The following CLEC16A variants were observed in gnomAD, a reference collection of about 807,000 sequenced individuals.
CLEC16A encodes C-type lectin domain containing 16A.
Under a neutral mutation model 109.5 loss-of-function variants are expected in CLEC16A, and 51 were observed. The ratio of observed to expected loss-of-function variants is 0.47; its 90% confidence interval spans 0.37 to 0.59. The LOEUF is 0.59. CLEC16A is among the 20% of genes least tolerant of loss of function. The probability of loss-of-function intolerance (pLI) is 0.00; values close to 1 mark genes in which losing one functional copy is unlikely to be tolerated. For missense variants in CLEC16A, 1,339 were observed against 1,394.0 expected, an observed-to-expected ratio of 0.96 and a Z score of 0.63; for synonymous variants, 673 against 564.2, an observed-to-expected ratio of 1.19 and a Z score of -2.73.
chr16:11,177,367 G>A (rs975973217), intron 23 of CLEC16A, among the ~76,000 whole-genome samples: 5 of 152,238 alleles, frequency 3.3e-5, no homozygotes, highest in Non-Finnish European at 5.9e-5. Flanking sequence ...TTGGGAGGCC[G>A]AGGCGGGCGG....
At chr16:10,971,042 T>A in intron 4 of CLEC16A, 83 bp from the exon 5 acceptor site, 2 of 662,526 alleles carry the variant, frequency 3.0e-6, no homozygotes, top group Non-Finnish European at 5.1e-6. Context: ...TTCTGAAGTC[T>A]CTGATGGAAT....
chr16:11,019,810 T>C (rs1223495949), intron 11 of CLEC16A, among the ~76,000 whole-genome samples: 1 of 152,054 alleles, frequency 6.6e-6, no homozygotes, highest in Non-Finnish European at 1.5e-5. Flanking sequence ...TTTAGAATGT[T>C]GTCAGTGAGG....
At chr16:11,128,924 T>G (rs2053011046) in intron 22 of CLEC16A, among the ~76,000 whole-genome samples, 2 of 152,196 alleles carry the variant, frequency 1.3e-5, no homozygotes, top group Non-Finnish European at 2.9e-5. Context: ...TTCTAGTACT[T>G]AAATCAGATT....
intron 13 of CLEC16A, chr16:11,026,921 G>C (rs2046437774): frequency 2.1e-6 from 2 of 972,688 alleles, no homozygotes; most frequent in East Asian, 2.4e-5. Flanking sequence ...GGGTCCTCCA[G>C]CGTGAGCTAG....
At chr16:11,132,494 A>G (rs1047278164) in intron 22 of CLEC16A, among the ~76,000 whole-genome samples, 95 of 152,108 alleles carry the variant, frequency 6.2e-4, no homozygotes, top group African/African-American at 2.2e-3. Context: ...CCTTTTGGCT[A>G]TTGTTGAATG....
chr16:11,168,741 G>T (rs536318771), intron 23 of CLEC16A, among the ~76,000 whole-genome samples: 5 of 152,230 alleles, frequency 3.3e-5, no homozygotes, highest in African/African-American at 4.8e-5. Flanking sequence ...TTGTAGGGAT[G>T]GGCCTAACCA....
chr16:11,013,154 A>G (rs1178726805), intron 11 of CLEC16A, among the ~76,000 whole-genome samples: 1 of 152,236 alleles, frequency 6.6e-6, no homozygotes, highest in Non-Finnish European at 1.5e-5. Context: ...CTCCACATAG[A>G]CGGTGGCCGG....
chr16:11,015,330 G>A (rs776988705), intron 11 of CLEC16A, among the ~76,000 whole-genome samples: 14 of 152,102 alleles, frequency 9.2e-5, no homozygotes, highest in South Asian at 4.2e-4. Flanking sequence ...TGACACGGGG[G>A]TTGGGGGTGA....
intron 13 of CLEC16A, among the ~76,000 whole-genome samples, chr16:11,036,468 T>C (rs1394648350): frequency 1.3e-5 from 2 of 152,130 alleles, no homozygotes; most frequent in African/African-American, 4.8e-5. Context: ...CAGCTCAGCA[T>C]GCCTCTTTTG....
Position 10,957,782 on chromosome 16 carries a change from G to T in CLEC16A, c.81G>T (p.Lys27Asn). Residue 27 changes from lysine (K) to asparagine (N), a missense_variant and splice_region_variant, in exon 2 of 24, where the codon AAG becomes AAT. This residue lies in a region of CLEC16A where 117 missense variants were observed against 120.2 expected (regional missense o/e 0.97). Transcript: ENST00000409790. ...SRNIHSLDHLKYLYHVLTKNT... is the reference protein window; with the variant it reads ...SRNIHSLDHLNYLYHVLTKNT... The stretch of plus-strand genomic sequence containing the variant: ...TTTCCTTTTCTCTCATTTCTCTCAG[G>T]TATCTGTACCACGTTTTGACCAAAA... 6.2e-7 allele frequency: 1 copy of T among 1,613,760 alleles called. No homozygotes were observed. Among genetic ancestry groups the T allele is most frequent in the Non-Finnish European group, 8.5e-7 (1 of 1,179,786 alleles).
chr16:11,023,706 A>G (rs2046251555), intron 12 of CLEC16A, among the ~76,000 whole-genome samples: 1 of 152,158 alleles, frequency 6.6e-6, no homozygotes, highest in African/African-American at 2.4e-5. Context: ...TATATAGTGA[A>G]CACTCCCTGT....
intron 10 of CLEC16A, among the ~76,000 whole-genome samples, chr16:11,001,773 C>T (rs985278012): frequency 6.6e-6 from 1 of 152,124 alleles, no homozygotes; most frequent in Admixed American, 6.6e-5. Context: ...CCGCAAAGTG[C>T]TGGGATTAGA....
chr16:11,017,792 C>G (rs890759097), intron 11 of CLEC16A, among the ~76,000 whole-genome samples: 1 of 152,046 alleles, frequency 6.6e-6, no homozygotes, highest in African/African-American at 2.4e-5. Context: ...GTGAGGGACT[C>G]TCAAGAATGC....
At chr16:11,135,059 T>C (rs565446403) in intron 22 of CLEC16A, among the ~76,000 whole-genome samples, 53 of 152,354 alleles carry the variant, frequency 3.5e-4, no homozygotes, top group African/African-American at 1.3e-3. Flanking sequence ...GGTTTGTCCC[T>C]GGTGTGCATG....
At chr16:11,095,241 A>C (rs144414685) in intron 19 of CLEC16A, among the ~76,000 whole-genome samples, 14 of 152,308 alleles carry the variant, frequency 9.2e-5, no homozygotes, top group African/African-American at 3.1e-4. Context: ...CTTTTAGAGC[A>C]AGAACCAGAG....
intron 18 of CLEC16A, among the ~76,000 whole-genome samples, chr16:11,054,844 A>G (rs1053578978): frequency 2.6e-5 from 4 of 152,246 alleles, no homozygotes; most frequent in Middle Eastern, 3.4e-3. Context: ...TTAGCAAGCA[A>G]TTGAGGGCTT....
In CLEC16A at chr16:11,061,591, G is replaced by A. The variant is rs146531532; in HGVS notation, c.2116+569G>A. Among the ~76,000 whole-genome samples, 464 of 152,308 alleles carry A rather than the reference G, an allele frequency of 3.0e-3. 1 individual carries two copies. The highest frequency in any genetic ancestry group is 0.01 in the African/African-American group (425 of 41,566). On this transcript the variant is annotated intron_variant, in intron 19 of 23. Coordinates refer to ENST00000409790, the MANE Select transcript of CLEC16A (RefSeq NM_015226.3). Reference sequence around the variant, plus strand: ...AAGACAATGGGCATAAAGCCTGACCGTGTTCCTGGAACCCCTCTCGTATTT... The same window carrying A: ...AAGACAATGGGCATAAAGCCTGACCATGTTCCTGGAACCCCTCTCGTATTT...
At chr16:11,044,649 C>T (rs574317134) in intron 16 of CLEC16A, among the ~76,000 whole-genome samples, 9 of 152,106 alleles carry the variant, frequency 5.9e-5, no homozygotes, top group South Asian at 2.1e-4. Flanking sequence ...ATCTAATTGC[C>T]GCCAGGCATG....
chr16:10,987,214 C>G (rs1157650046), intron 10 of CLEC16A, among the ~76,000 whole-genome samples: 1 of 151,906 alleles, frequency 6.6e-6, no homozygotes, highest in Non-Finnish European at 1.5e-5. Context: ...GATTTGCGTG[C>G]AGTTGTAACA....
Sources: allele counts gnomAD v4.1 joint callset (sites outside exome capture counted in the v4.1 genomes callset), GRCh38; gene constraint gnomAD v4.1.1; regional missense constraint gnomAD v4.1.1; transcripts MANE v1.5; gene names NCBI Gene and HGNC (gene_info 2026-07-23, HGNC 2026-07-21).